Variants in ZFHX3 observed in about 807,000 individuals in gnomAD.
ZFHX3 encodes the protein zinc finger homeobox protein 3.
In ZFHX3, 42 loss-of-function variants were observed where a neutral mutation model predicts 279.1. That is an observed-to-expected ratio of 0.15 (90% CI 0.12 to 0.19). The LOEUF (loss-of-function observed/expected upper bound fraction) is 0.19. ZFHX3 is among the 10% of genes least tolerant of loss of function. The pLI, the probability that ZFHX3 is intolerant of heterozygous loss-of-function variation, is 1.00. For synonymous variants in ZFHX3, 2,293 were observed against 1,957.8 expected (o/e 1.17, Z -4.52); for missense variants, 4,981 against 4,754.0 (o/e 1.05, Z -1.40).
At chr16:72,991,110 C>A (rs2144569788) in intron 1 of ZFHX3, among the ~76,000 whole-genome samples, 1 of 152,296 alleles carries the variant, frequency 6.6e-6, no homozygotes, top group East Asian at 1.9e-4. Context: ...GAGGCTTCAT[C>A]TTCCATGACC....
chr16:73,143,626 G>T (rs1042833532), intron 6 of ZFHX3: 2 of 566,010 alleles, frequency 3.5e-6, no homozygotes, highest in African/African-American at 1.9e-5. Context: ...TAGTAACACT[G>T]CAATTTCCTT....
chr16:73,086,307 T>C (rs1010705348), intron 8 of ZFHX3, among the ~76,000 whole-genome samples: 1 of 152,214 alleles, frequency 6.6e-6, no homozygotes, highest in African/African-American at 2.4e-5. Flanking sequence ...TGGAGGTTCC[T>C]CAAAAGTCTA....
At chr16:73,075,542 G>C (rs1403930553) in intron 8 of ZFHX3, among the ~76,000 whole-genome samples, 1 of 152,084 alleles carries the variant, frequency 6.6e-6, no homozygotes, top group East Asian at 1.9e-4. Context: ...CTAAATGTCA[G>C]AGACATGATC....
At position 72,959,932 on chromosome 16, in the gene ZFHX3, A is replaced by T. The variant is rs7193297; in HGVS notation, c.214T>A (p.Ser72Thr). Residue 72 changes from serine to threonine, a missense_variant, in exon 2 of 10, where the codon TCC (serine) becomes ACC (threonine). Coordinates refer to ENST00000268489, the MANE Select transcript of ZFHX3 (RefSeq NM_006885.4). ...AESTASAGPP[S>T]EPASKEVTCN... ...GTGACCTCCTTGCTGGCGGGCTCGGAGGGGGGCCCGGCCGACGCGGTGCTC... is the reference window on the plus strand; with the variant it reads ...GTGACCTCCTTGCTGGCGGGCTCGGTGGGGGGCCCGGCCGACGCGGTGCTC... The T allele has an allele frequency of 3.1e-6, 5 of 1,597,002 alleles. No homozygotes were observed. Among genetic ancestry groups the T allele is most frequent in the African/African-American group, 1.3e-5 (1 of 74,454 alleles).
intron 4 of ZFHX3, among the ~76,000 whole-genome samples, chr16:73,301,135 A>G (rs565259011): frequency 4.7e-4 from 72 of 152,302 alleles, no homozygotes; most frequent in African/African-American, 1.7e-3. Context: ...AGTCCTTTGG[A>G]TAACTTCAAA....
intron 1 of ZFHX3, among the ~76,000 whole-genome samples, chr16:72,999,342 G>C (rs546119740): frequency 6.6e-6 from 1 of 152,256 alleles, no homozygotes; most frequent in South Asian, 2.1e-4. Flanking sequence ...ATTTTTAGTA[G>C]ATACAGGGTT....
At chr16:73,437,189 G>A (rs2143528061) in intron 3 of ZFHX3, among the ~76,000 whole-genome samples, 1 of 152,230 alleles carries the variant, frequency 6.6e-6, no homozygotes, top group Middle Eastern at 3.4e-3. Context: ...AACCGCAATT[G>A]CTTTTGCACC....
At chr16:73,347,523 T>G (rs763157201) in intron 3 of ZFHX3, among the ~76,000 whole-genome samples, 1 of 152,198 alleles carries the variant, frequency 6.6e-6, no homozygotes, top group Admixed American at 6.5e-5. Context: ...CAGAGGTAGA[T>G]AGCAGCAACC....
chr16:73,180,670 T>G (rs556194085), intron 5 of ZFHX3, among the ~76,000 whole-genome samples: 1 of 150,854 alleles, frequency 6.6e-6, no homozygotes, highest in Non-Finnish European at 1.5e-5. Context: ...CTGCTGCTGT[T>G]TTTTTTTTTT....
At chr16:73,881,449 A>ACT (rs2030147901) in intron 1 of ZFHX3, among the ~76,000 whole-genome samples, 3 of 106,478 alleles carry the variant, frequency 2.8e-5, no homozygotes, top group African/African-American at 3.9e-5. Context: ...ACACACACAC[A>ACT]CACACTCTCT....
chr16:73,347,539 C>T (rs1422677110), intron 3 of ZFHX3, among the ~76,000 whole-genome samples: 2 of 152,226 alleles, frequency 1.3e-5, no homozygotes, highest in Admixed American at 6.5e-5. Flanking sequence ...CAACCAGGAG[C>T]AGGGAGGCTC....
chr16:73,770,367 A>G (rs144936020), intron 1 of ZFHX3, among the ~76,000 whole-genome samples: 9 of 152,324 alleles, frequency 5.9e-5, no homozygotes, highest in African/African-American at 1.9e-4. Flanking sequence ...GAAAGAAACA[A>G]TTTTCACCCA....
intron 1 of ZFHX3, among the ~76,000 whole-genome samples, chr16:73,008,121 G>A (rs1405209261): frequency 6.6e-6 from 1 of 151,878 alleles, no homozygotes; most frequent in Non-Finnish European, 1.5e-5. Flanking sequence ...CTTTTCTCCA[G>A]CTGTCTTTAG....
intron 1 of ZFHX3, among the ~76,000 whole-genome samples, chr16:73,848,595 A>T (rs1961510102): frequency 1.3e-5 from 2 of 152,200 alleles, no homozygotes; most frequent in South Asian, 4.2e-4. Flanking sequence ...AGTTCATATT[A>T]ATTCAACACC....
At chr16:73,463,306 C>A (rs1431081937) in intron 2 of ZFHX3, among the ~76,000 whole-genome samples, 1 of 152,162 alleles carries the variant, frequency 6.6e-6, no homozygotes, top group African/African-American at 2.4e-5. Context: ...GAAAAGAAAA[C>A]TGAAGTACAG....
chr16:73,126,050 A>T (rs1316117866), intron 7 of ZFHX3, among the ~76,000 whole-genome samples: 9 of 152,108 alleles, frequency 5.9e-5, no homozygotes, highest in Admixed American at 5.9e-4. Flanking sequence ...AAATGCACAG[A>T]GAGGAAGCAG....
intron 3 of ZFHX3, among the ~76,000 whole-genome samples, chr16:73,422,841 T>C (rs1268331379): frequency 6.6e-6 from 1 of 152,232 alleles, no homozygotes; most frequent in East Asian, 1.9e-4. Flanking sequence ...GTTAGTTTGC[T>C]TGGGCTTCCA....
Position 73,235,638 on chromosome 16 carries a change from G to C in ZFHX3, c.-1104+21409C>G, listed in dbSNP as rs566169334. ...TGCCTGATCTTCCACTGTTCCAAGA[G>C]GTGGTAGAGATTGGTATGTGTAAAT... On this transcript the variant is annotated intron_variant, in intron 5 of 17. Coordinates refer to the ZFHX3 transcript ENST00000641206. Among the ~76,000 whole-genome samples, 30 of 152,214 alleles carry C rather than the reference G, an allele frequency of 2.0e-4. 1 individual carries two copies. Among genetic ancestry groups the C allele is most frequent in the Admixed American group, 1.1e-3 (17 of 15,296 alleles).
chr16:73,708,801 G>A (rs2053329322), intron 1 of ZFHX3, among the ~76,000 whole-genome samples: 2 of 152,154 alleles, frequency 1.3e-5, no homozygotes, highest in Non-Finnish European at 2.9e-5. Flanking sequence ...GGGGACAGGA[G>A]CGGGGGATGT....
Sources: allele counts gnomAD v4.1 joint callset (sites outside exome capture counted in the v4.1 genomes callset), GRCh38; gene constraint gnomAD v4.1.1; transcripts MANE v1.5; gene names NCBI Gene and HGNC (gene_info 2026-07-23, HGNC 2026-07-21).